The following TRAPPC9 variants were observed in gnomAD, a reference collection of about 807,000 sequenced individuals.
TRAPPC9 encodes the protein IKK2 binding protein.
In TRAPPC9, 83 loss-of-function variants were observed where a neutral mutation model predicts 124.0. The ratio of observed to expected loss-of-function variants is 0.67; its 90% CI spans 0.56 to 0.80. The LOEUF (loss-of-function observed/expected upper bound fraction) is 0.80, where lower values mean the gene tolerates loss of function less well. Ranked by LOEUF, TRAPPC9 falls within the 30% of genes least tolerant of loss-of-function variation. The pLI, the probability that TRAPPC9 is intolerant of heterozygous loss-of-function variation, is 0.00. For missense variants in TRAPPC9, 1,302 were observed against 1,508.3 expected (o/e 0.86, Z 2.27); for synonymous variants, 638 against 617.5 (o/e 1.03, Z -0.49).
At chr8:140,036,858 A>T (rs1424873133) in intron 17 of TRAPPC9, among the ~76,000 whole-genome samples, 2 of 151,956 alleles carry the variant, frequency 1.3e-5, no homozygotes, top group Non-Finnish European at 2.9e-5. Flanking sequence ...TTATTTTTTT[A>T]AATTGTACTT....
At chr8:139,987,232 A>G (rs1000728361) in intron 19 of TRAPPC9, among the ~76,000 whole-genome samples, 1 of 152,196 alleles carries the variant, frequency 6.6e-6, no homozygotes, top group Non-Finnish European at 1.5e-5. Flanking sequence ...TCTTGTGACC[A>G]TATGTTTCAT....
intron 18 of TRAPPC9, among the ~76,000 whole-genome samples, chr8:140,011,852 A>AT (rs1183041135): frequency 1.3e-5 from 2 of 151,134 alleles, no homozygotes; most frequent in Non-Finnish European, 2.9e-5. Flanking sequence ...TAATTTTTGT[A>AT]TTTTTTGTAG....
intron 18 of TRAPPC9, among the ~76,000 whole-genome samples, chr8:140,022,413 G>A (rs1034589903): frequency 2.6e-5 from 4 of 152,300 alleles, no homozygotes; most frequent in African/African-American, 4.8e-5. Context: ...TCCACATAGC[G>A]CTTCAGCTGA....
rs1447296387 is a variant in TRAPPC9 at position 140,026,136 on chromosome 8, C to T, written c.2557-2057G>A. Among the ~76,000 whole-genome samples the T allele has an allele frequency of 9.2e-5, 14 of 152,208 alleles. No homozygotes were observed. The South Asian group carries it at 2.7e-3, about 29-fold the overall frequency. On this transcript the variant is annotated intron_variant, in intron 17 of 22. Coordinates refer to ENST00000438773, the MANE Select transcript of TRAPPC9 (RefSeq NM_001160372.4). ...TTTGTGACTGGCAGATTTCACTCAGCATCATGTCCTCGAGAATCAACCGTG... is the reference window on the plus strand; with the variant it reads ...TTTGTGACTGGCAGATTTCACTCAGTATCATGTCCTCGAGAATCAACCGTG...
At chr8:139,829,031 C>T (rs147475192) in intron 21 of TRAPPC9, among the ~76,000 whole-genome samples, 137 of 152,258 alleles carry the variant, frequency 9.0e-4, no homozygotes, top group African/African-American at 2.9e-3. Flanking sequence ...CATTTGGAGA[C>T]GCAGAATGGA....
At chr8:140,128,778 C>T (rs2061143898) in intron 17 of TRAPPC9, among the ~76,000 whole-genome samples, 1 of 152,122 alleles carries the variant, frequency 6.6e-6, no homozygotes, top group Non-Finnish European at 1.5e-5. Context: ...TCCACCTAGC[C>T]ATTCTGCCTC....
intron 17 of TRAPPC9, among the ~76,000 whole-genome samples, chr8:140,207,124 G>T (rs2062942715): frequency 6.6e-6 from 1 of 152,172 alleles, no homozygotes; most frequent in Non-Finnish European, 1.5e-5. Context: ...CTGCAGTTGG[G>T]TTCTGTGCAA....
At chr8:139,909,005 A>C (rs756105288) in intron 20 of TRAPPC9, among the ~76,000 whole-genome samples, 5 of 152,204 alleles carry the variant, frequency 3.3e-5, no homozygotes, top group Admixed American at 6.5e-5. Flanking sequence ...ATTTTGTCAC[A>C]AACTCCTTGG....
chr8:139,858,291 G>A (rs1044744430), intron 21 of TRAPPC9, among the ~76,000 whole-genome samples: 4 of 152,156 alleles, frequency 2.6e-5, no homozygotes, highest in African/African-American at 9.7e-5. Context: ...GCACAGCATG[G>A]GGTGCTTCCT....
In TRAPPC9 at chr8:140,300,366, T is replaced by C. The variant is rs1022497036; in HGVS notation, c.1768+103A>G. On this transcript the variant is annotated intron_variant, in intron 11 of 22. Coordinates refer to ENST00000438773, the MANE Select transcript of TRAPPC9 (RefSeq NM_001160372.4). ...GCACACATCCACGCACGCACACACA[T>C]GCACATGCATGAACTGGCTCAAAAT... 3.4e-6 allele frequency: 5 copies of C among 1,479,288 alleles called. No homozygotes were observed. The African/African-American group carries it at 4.2e-5, about 12-fold the overall frequency. 91.6% of individuals were successfully genotyped at this position (1,479,288 alleles called of 1,614,324 possible). A position where few individuals can be genotyped will look rare whatever the true frequency, so the allele number is the denominator to read the frequency against.
chr8:140,259,371 G>C (rs953913398), intron 15 of TRAPPC9, among the ~76,000 whole-genome samples: 3 of 152,106 alleles, frequency 2.0e-5, no homozygotes, highest in Non-Finnish European at 2.9e-5. Flanking sequence ...TCCACCAAAC[G>C]GTCAAAAACG....
intron 17 of TRAPPC9, chr8:140,040,387 T>A (rs1328025007): frequency 6.6e-6 from 1 of 152,236 alleles, no homozygotes; most frequent in African/African-American, 2.4e-5. Context: ...CTGAGCTTAA[T>A]AGGAGCACGC....
At chr8:139,917,221 C>T (rs930714049) in intron 19 of TRAPPC9, among the ~76,000 whole-genome samples, 11 of 131,052 alleles carry the variant, frequency 8.4e-5, no homozygotes, top group Non-Finnish European at 1.4e-4. Context: ...TTGCCCAGGA[C>T]GGAGTGCAGT....
chr8:140,458,286 C>T (rs952910391), upstream of TRAPPC9: 3 of 1,555,360 alleles, frequency 1.9e-6, no homozygotes, highest in Admixed American at 5.9e-5. Context: ...CTTACCAGTC[C>T]TTCAGGGCGC....
At chr8:140,402,638 A>G (rs940258110) in intron 6 of TRAPPC9, among the ~76,000 whole-genome samples, 3 of 150,792 alleles carry the variant, frequency 2.0e-5, no homozygotes, top group African/African-American at 4.9e-5. Flanking sequence ...AAAGGCTGCA[A>G]TGAACCGTGA....
chr8:140,237,412 C>G (rs1259328538), intron 16 of TRAPPC9, among the ~76,000 whole-genome samples: 1 of 151,060 alleles, frequency 6.6e-6, no homozygotes, highest in Admixed American at 6.6e-5. Flanking sequence ...TTCAAGAAAA[C>G]AAGCAGAAGA....
intron 9 of TRAPPC9, among the ~76,000 whole-genome samples, chr8:140,339,991 G>A (rs910628426): frequency 2.8e-5 from 1 of 35,890 alleles, no homozygotes; most frequent in Non-Finnish European, 5.6e-5. Context: ...TACAGGCGTG[G>A]TGCACCACCA....
chr8:140,110,220 TC>T (rs925393310), intron 17 of TRAPPC9, among the ~76,000 whole-genome samples: 1 of 78,246 alleles, frequency 1.3e-5, no homozygotes, highest in Non-Finnish European at 2.4e-5. Flanking sequence ...CTGTGGTAGC[TC>T]CCCCTACAGC....
At chr8:140,238,987 G>C (rs1167420773) in intron 16 of TRAPPC9, among the ~76,000 whole-genome samples, 2 of 152,168 alleles carry the variant, frequency 1.3e-5, no homozygotes, top group African/African-American at 4.8e-5. Flanking sequence ...AGAGTGGAGG[G>C]GCCCGGGCGC....
Sources: gnomAD v4.1 joint callset for allele counts (sites outside exome capture counted in the v4.1 genomes callset) on GRCh38, gnomAD v4.1.1 for gene constraint, MANE v1.5 for transcripts, NCBI Gene and HGNC (gene_info 2026-07-23, HGNC 2026-07-21) for gene names.